MANBA: variants seen among roughly 807,000 people sequenced by gnomAD.
MANBA encodes the protein mannosidase beta.
Under a neutral mutation model 111.1 loss-of-function variants are expected in MANBA, and 83 were observed. The ratio of observed to expected loss-of-function variants is 0.75; its 90% CI spans 0.63 to 0.90. The LOEUF is 0.90. Ranked by LOEUF, MANBA falls within the 40% of genes least tolerant of loss-of-function variation. The pLI, the probability that MANBA is intolerant of heterozygous loss-of-function variation, is 0.00. For synonymous variants in MANBA, 370 were observed against 378.7 expected, an observed-to-expected ratio of 0.98 and a Z score of 0.27; for missense variants, 1,036 against 1,069.0, an observed-to-expected ratio of 0.97 and a Z score of 0.43.
intron 1 of MANBA, chr4:102,727,956 G>A (rs1190631179): frequency 4.5e-6 from 2 of 445,148 alleles, no homozygotes; most frequent in Non-Finnish European, 8.5e-6. Flanking sequence ...AACTTTTCTG[G>A]AATGTACGAT....
chr4:102,635,674 G>T (rs1348861897), intron 15 of MANBA, among the ~76,000 whole-genome samples, 191 bp downstream of exon 15: 1 of 152,134 alleles, frequency 6.6e-6, no homozygotes, highest in Non-Finnish European at 1.5e-5. Flanking sequence ...TTACTGAGAA[G>T]AAATTGAATC....
chr4:102,657,805 A>G lies in MANBA; in HGVS notation c.1581T>C (p.Tyr527=), dbSNP rs903990993. The change falls in exon 12 of 17, where the codon TAT becomes TAC. Residue 527 remains tyrosine, a synonymous_variant. Transcript: ENST00000647097. The stretch of plus-strand genomic sequence containing the variant: ...AGTCATAAAAATGTACATCACCAAA[A>G]TAATTGCTATTAGGGTTTTGAGAGA... ...AWVSQNPNSN[Y]FGDVHFYDYI... 1.2e-6 allele frequency: 2 copies of G among 1,613,778 alleles called. No individual in the cohort carries two copies. Among genetic ancestry groups the G allele is most frequent in the Non-Finnish European group, 1.7e-6 (2 of 1,179,660 alleles).
intron 2 of MANBA, among the ~76,000 whole-genome samples, chr4:102,726,099 C>T (rs1415994483): frequency 1.4e-5 from 2 of 148,048 alleles, no homozygotes; most frequent in East Asian, 3.9e-4. Context: ...TAAATAATTA[C>T]CAAAAAAAAA....
At chr4:102,688,396 C>CACACACAT (rs1270287559) in intron 7 of MANBA, among the ~76,000 whole-genome samples, 1 of 151,626 alleles carries the variant, frequency 6.6e-6, no homozygotes, top group Admixed American at 6.6e-5. Context: ...TACACACACA[C>CACACACAT]ACACACACAC....
intron 13 of MANBA, among the ~76,000 whole-genome samples, chr4:102,644,203 C>G (rs562521444): frequency 6.6e-6 from 1 of 152,236 alleles, no homozygotes; most frequent in Non-Finnish European, 1.5e-5. Flanking sequence ...TAAATTAGTA[C>G]AGCCATTATG....
In MANBA at chr4:102,630,869, G is replaced by A. The variant is rs938788444; in HGVS notation, c.*1188C>T. 6 of 152,182 alleles carry A rather than the reference G, an allele frequency of 3.9e-5. No homozygotes were observed. Among genetic ancestry groups the A allele is most frequent in the African/African-American group, 7.2e-5 (3 of 41,430 alleles). 9.4% of individuals were successfully genotyped at this position (152,182 alleles called of 1,614,324 possible). A position where few individuals can be genotyped will look rare whatever the true frequency, so the allele number is the denominator to read the frequency against. On this transcript the variant is annotated 3_prime_UTR_variant, in exon 17 of 17. Transcript: ENST00000647097. ...CAGGAAGTTAAGTAACTTGATTAAGGTTACAGAACTAGTAAGGGCAAACTA... is the reference window on the plus strand; with the variant it reads ...CAGGAAGTTAAGTAACTTGATTAAGATTACAGAACTAGTAAGGGCAAACTA...
chr4:102,756,908 C>T (rs1325713557), intron 1 of MANBA, among the ~76,000 whole-genome samples: 1 of 151,220 alleles, frequency 6.6e-6, no homozygotes, highest in Admixed American at 6.6e-5. Context: ...TATGTATGCA[C>T]TTAACATAAC....
Position 102,714,561 on chromosome 4 carries a change from C to T in MANBA, c.550G>A (p.Glu184Lys). The T allele has an allele frequency of 1.2e-6, 2 of 1,607,474 alleles. No individual in the cohort carries two copies. The highest frequency in any genetic ancestry group is 1.7e-6 in the Non-Finnish European group (2 of 1,174,132). Reference sequence around the variant, plus strand: ...CAGTCCCAACTAAAGGAACATTGCTCCTGCAATTTCAAGGAGAAAAAGAAG... The same window carrying T: ...CAGTCCCAACTAAAGGAACATTGCTTCTGCAATTTCAAGGAGAAAAAGAAG... The part of the protein sequence containing the change: ...GECHVNFVRK[E>K]QCSFSWDWGP... Residue 184 changes from glutamate to lysine, a missense_variant and splice_region_variant, in exon 5 of 17, where the codon GAG becomes AAG. Transcript: ENST00000647097.
In MANBA at chr4:102,636,977, T is replaced by C. The variant is rs950148425; in HGVS notation, c.2015-970A>G. ...TGGGGGCAGGTCTTTCCTATGCTGT[T>C]CTTGTGATAGTGAATAAGTCTCACG... On this transcript the variant is annotated intron_variant, in intron 14 of 16. Transcript: ENST00000647097. 2.6e-5 allele frequency among the ~76,000 whole-genome samples: 4 copies of C among 152,124 alleles called. 1 individual carries two copies. Among genetic ancestry groups the C allele is most frequent in the Admixed American group, 2.6e-4 (4 of 15,280 alleles).
At chr4:102,638,696 A>G (rs1475009724) in intron 14 of MANBA, among the ~76,000 whole-genome samples, 1 of 152,102 alleles carries the variant, frequency 6.6e-6, no homozygotes, top group Admixed American at 6.5e-5. Context: ...TTTCCCCCCA[A>G]TTCTACCCCT....
chr4:102,649,773 CT>C (rs2110202329), intron 13 of MANBA, among the ~76,000 whole-genome samples: 1 of 152,100 alleles, frequency 6.6e-6, no homozygotes, highest in Non-Finnish European at 1.5e-5. Flanking sequence ...ACTTTCTTTT[CT>C]AGTTAGTGCT....
intron 7 of MANBA, among the ~76,000 whole-genome samples, chr4:102,677,752 T>C (rs1731789084): frequency 6.6e-6 from 1 of 152,158 alleles, no homozygotes; most frequent in Non-Finnish European, 1.5e-5. Flanking sequence ...CAGATGAGAA[T>C]CCCTTTGTCT....
At chr4:102,756,022 G>T (rs1216688307) in intron 1 of MANBA, among the ~76,000 whole-genome samples, 2 of 152,170 alleles carry the variant, frequency 1.3e-5, no homozygotes, top group African/African-American at 2.4e-5. Flanking sequence ...TTACACTGTT[G>T]GTGGGACTAT....
intron 13 of MANBA, among the ~76,000 whole-genome samples, chr4:102,644,000 T>C (rs2110197451): frequency 6.6e-6 from 1 of 152,340 alleles, no homozygotes; most frequent in Non-Finnish European, 1.5e-5. Flanking sequence ...TTTATACCTA[T>C]GTTTCCTTCT....
At chr4:102,741,828 G>A (rs1723415061) in intron 1 of MANBA, among the ~76,000 whole-genome samples, 1 of 152,206 alleles carries the variant, frequency 6.6e-6, no homozygotes, top group African/African-American at 2.4e-5. Context: ...ACTGTATACT[G>A]CTTGGGTGAT....
At chr4:102,656,774 A>C (rs1377172589) in intron 12 of MANBA, among the ~76,000 whole-genome samples, 1 of 152,226 alleles carries the variant, frequency 6.6e-6, no homozygotes, top group African/African-American at 2.4e-5. Context: ...ATACTAATAC[A>C]TGGTCAACAT....
At chr4:102,703,525 C>G (rs1290117883) in intron 5 of MANBA, among the ~76,000 whole-genome samples, 1 of 152,198 alleles carries the variant, frequency 6.6e-6, no homozygotes. Context: ...GTCATGCAAC[C>G]TCTGGCTCCA....
intron 1 of MANBA, chr4:102,728,481 C>T (rs1273884389): frequency 1.0e-5 from 4 of 382,370 alleles, no homozygotes; most frequent in African/African-American, 6.4e-5. Flanking sequence ...GAATACCCAT[C>T]TTTCACATTT....
chr4:102,642,482 C>T (rs997605669), intron 13 of MANBA, among the ~76,000 whole-genome samples: 41 of 152,168 alleles, frequency 2.7e-4, no homozygotes, highest in African/African-American at 8.7e-4. Context: ...TGGCACATGC[C>T]TGTAGTCCCA....
Sources: allele counts gnomAD v4.1 joint callset (sites outside exome capture counted in the v4.1 genomes callset), GRCh38; gene constraint gnomAD v4.1.1; transcripts MANE v1.5; gene names NCBI Gene and HGNC (gene_info 2026-07-23, HGNC 2026-07-21).